DRC4: variants seen among roughly 807,000 people sequenced by gnomAD.
The protein encoded by DRC4 is GAS-11.
At chr16:90,037,492 G>C in the DRC4 span, 1 of 1,391,380 alleles carries the variant, frequency 7.2e-7, no homozygotes, top group Non-Finnish European at 9.7e-7. Flanking sequence ...TGGCCCTTAG[G>C]GCAGGAAGGG....
the DRC4 span, among the ~76,000 whole-genome samples, chr16:90,021,434 C>T: frequency 1.3e-5 from 2 of 148,790 alleles, no homozygotes; most frequent in South Asian, 2.1e-4. Context: ...TTTTTTGAGA[C>T]AGGGTCTCAG....
chr16:90,022,835 G>A, the DRC4 span: 1 of 1,098,232 alleles, frequency 9.1e-7, no homozygotes, highest in African/African-American at 1.6e-5. Context: ...GGAGCGCTGG[G>A]TTTCTGGAAT....
the DRC4 span, chr16:90,044,878 T>C: frequency 4.4e-6 from 1 of 228,216 alleles, no homozygotes. Context: ...CAAGAACCAC[T>C]TTATAGCTGG....
chr16:90,043,355 T>A, the DRC4 span: 2 of 1,556,530 alleles, frequency 1.3e-6, no homozygotes, highest in Non-Finnish European at 1.7e-6. Context: ...GCTGCCCCCC[T>A]GGGGGGCCAC....
the DRC4 span, among the ~76,000 whole-genome samples, chr16:90,030,763 C>T: frequency 1.6e-4 from 24 of 152,120 alleles, no homozygotes; most frequent in African/African-American, 4.8e-4. Flanking sequence ...ACTATAGGTG[C>T]GTGCCATCAT....
At chr16:90,025,649 C>CAAAAAAA in the DRC4 span, among the ~76,000 whole-genome samples, 1 of 45,928 alleles carries the variant, frequency 2.2e-5, no homozygotes, top group African/African-American at 9.7e-5. Context: ...GACTCTGTCT[C>CAAAAAAA]AAAAAAAAAA....
the DRC4 span, among the ~76,000 whole-genome samples, chr16:90,026,641 C>G: frequency 6.6e-6 from 1 of 152,014 alleles, no homozygotes; most frequent in Non-Finnish European, 1.5e-5. Flanking sequence ...CAGCAGAGGT[C>G]TTTACTTTTT....
At chr16:90,025,777 C>T in the DRC4 span, among the ~76,000 whole-genome samples, 1 of 150,408 alleles carries the variant, frequency 6.6e-6, no homozygotes, top group African/African-American at 2.5e-5. Context: ...GTCCCAGCTC[C>T]TCGTGGAGGC....
chr16:90,019,952 G>A, the DRC4 span: 8 of 695,606 alleles, frequency 1.2e-5, no homozygotes, highest in Non-Finnish European at 1.8e-5. The surrounding 1 kb of genome is among the most constrained non-coding windows in gnomAD (Gnocchi z 6.1). Context: ...GCGGGATGGG[G>A]GATGGGAGGT....
At chr16:90,043,846 T>C in the DRC4 span, 1 of 466,516 alleles carries the variant, frequency 2.1e-6, no homozygotes, top group Non-Finnish European at 4.5e-6. Context: ...GCCCGCTCTG[T>C]TGAGGGCTGG....
chr16:90,024,855 C>G, the DRC4 span, among the ~76,000 whole-genome samples: 3 of 152,006 alleles, frequency 2.0e-5, no homozygotes, highest in Non-Finnish European at 2.9e-5. Context: ...ACAGCAAACA[C>G]AACAGCAAAC....
the DRC4 span, chr16:90,036,989 T>A: frequency 1.7e-6 from 1 of 573,158 alleles, no homozygotes. Flanking sequence ...ACAACGGCCC[T>A]TGGTGGAATC....
the DRC4 span, chr16:90,037,442 T>A: frequency 6.3e-7 from 1 of 1,577,780 alleles, no homozygotes; most frequent in East Asian, 2.2e-5. Context: ...GGCATGAGCT[T>A]GCCTAGGCTC....
chr16:90,019,827 C>A, the DRC4 span: 1 of 686,196 alleles, frequency 1.5e-6, no homozygotes, highest in Non-Finnish European at 2.6e-6. This position sits in a 1 kb window ranked among gnomAD's most constrained non-coding sequence, Gnocchi z 6.1. Flanking sequence ...GCGAGGGGCA[C>A]AGGAGGGGCC....
the DRC4 span, among the ~76,000 whole-genome samples, chr16:90,034,984 A>T: frequency 2.1e-5 from 3 of 142,648 alleles, no homozygotes; most frequent in Admixed American, 2.2e-4. Flanking sequence ...GTTCACCACA[A>T]CCTCTGCCTC....
chr16:90,043,337 C>G, the DRC4 span: 2 of 1,593,842 alleles, frequency 1.3e-6, no homozygotes, highest in African/African-American at 3.0e-5. Context: ...GGTGGGCACC[C>G]CGACGTAGCT....
the DRC4 span, among the ~76,000 whole-genome samples, chr16:90,040,985 C>T: frequency 1.3e-5 from 2 of 152,134 alleles, no homozygotes. Context: ...GCCAGAGGCA[C>T]TGTGGCCCCG....
chr16:90,021,538 C>T, the DRC4 span, among the ~76,000 whole-genome samples: 1 of 151,796 alleles, frequency 6.6e-6, no homozygotes, highest in Admixed American at 6.6e-5. Context: ...CCCACCTCAA[C>T]CTCCCAAGTA....
At chr16:90,037,218 G>C in the DRC4 span, 1 of 1,600,764 alleles carries the variant, frequency 6.2e-7, no homozygotes, top group Non-Finnish European at 8.5e-7. Flanking sequence ...CCGGGCCTGT[G>C]CTTGTGCCTG....
Sources: gnomAD v4.1 joint callset for allele counts (sites outside exome capture counted in the v4.1 genomes callset) on GRCh38, gnomAD v4.1.1 for gene constraint, Gnocchi (gnomAD v3.1) non-coding constraint, MANE v1.5 for transcripts, NCBI Gene and HGNC (gene_info 2026-07-23, HGNC 2026-07-21) for gene names.